Variants in TEKT3 observed in about 807,000 individuals in gnomAD.
The protein encoded by TEKT3 is tektin 3, also known as tektin-3.
TEKT3 carries 49 observed loss-of-function variants against 49.8 expected under a neutral mutation model. The ratio of observed to expected loss-of-function variants is 0.98; its 90% CI spans 0.78 to 1.25. The LOEUF is 1.25. Ranked by LOEUF, TEKT3 falls within the 50% of genes most tolerant of loss-of-function variation. The pLI, the probability that TEKT3 is intolerant of heterozygous loss-of-function variation, is 0.00. For missense variants in TEKT3, 595 were observed against 629.5 expected (o/e 0.95, Z 0.59); for synonymous variants, 225 against 237.2 (o/e 0.95, Z 0.47).
At chr17:15,305,485 T>TA (rs1362679847) in intron 8 of TEKT3, among the ~76,000 whole-genome samples, 6 of 152,148 alleles carry the variant, frequency 3.9e-5, no homozygotes, top group African/African-American at 7.2e-5. Context: ...CAAACTGAAT[T>TA]AAAAAAGAAA....
chr17:15,341,261 C>A (rs1227950779), intron 1 of TEKT3, among the ~76,000 whole-genome samples: 1 of 152,150 alleles, frequency 6.6e-6, no homozygotes, highest in Non-Finnish European at 1.5e-5. Flanking sequence ...GGTTCGGATG[C>A]CCCTTCCCTG....
At chr17:15,335,027 G>A (rs999669444) in intron 2 of TEKT3, among the ~76,000 whole-genome samples, 2 of 113,720 alleles carry the variant, frequency 1.8e-5, no homozygotes, top group Admixed American at 9.5e-5. Context: ...CAGACAACAG[G>A]CATCATAGGC....
intron 4 of TEKT3, among the ~76,000 whole-genome samples, chr17:15,321,255 C>T (rs1301517940): frequency 2.6e-5 from 4 of 151,906 alleles, no homozygotes; most frequent in Admixed American, 6.6e-5. Flanking sequence ...GTGATCCACC[C>T]GCCTCGGCTT....
chr17:15,314,726 TA>T (rs1186683918), intron 5 of TEKT3, among the ~76,000 whole-genome samples: 5 of 152,196 alleles, frequency 3.3e-5, no homozygotes, highest in Non-Finnish European at 7.3e-5. Flanking sequence ...CATCCATTGG[TA>T]ACCTTGGTTT....
At chr17:15,342,891 A>G (rs1276663617), upstream of TEKT3, among the ~76,000 whole-genome samples, 2 of 152,216 alleles carry the variant, frequency 1.3e-5, no homozygotes, top group African/African-American at 4.8e-5. Context: ...CCTTATCAGC[A>G]ACTTTTTCTA....
intron 2 of TEKT3, among the ~76,000 whole-genome samples, chr17:15,335,900 G>A (rs1911958379): frequency 6.7e-6 from 1 of 149,728 alleles, no homozygotes; most frequent in Non-Finnish European, 1.5e-5. Flanking sequence ...AGTGAGCTCA[G>A]ACTTTTTTTT....
intron 8 of TEKT3, among the ~76,000 whole-genome samples, chr17:15,305,271 G>A (rs527728403): frequency 6.6e-6 from 1 of 152,300 alleles, no homozygotes; most frequent in Admixed American, 6.5e-5. Flanking sequence ...AGGCCCCCAC[G>A]CAGGCTGATT....
chr17:15,319,376 A>G (rs962209413), intron 4 of TEKT3, among the ~76,000 whole-genome samples: 21 of 152,190 alleles, frequency 1.4e-4, no homozygotes, highest in African/African-American at 4.1e-4. Flanking sequence ...GGGAAATTAT[A>G]TTATGGAACA....
At chr17:15,305,802 A>AT (rs1910518367) in intron 8 of TEKT3, among the ~76,000 whole-genome samples, 1 of 152,080 alleles carries the variant, frequency 6.6e-6, no homozygotes, top group East Asian at 1.9e-4. Flanking sequence ...AAAAAAAAAA[A>AT]ATCGAGATAT....
chr17:15,314,072 G>A lies in TEKT3; in HGVS notation c.878+15C>T, dbSNP rs230897. Reference sequence around the variant, plus strand: ...ATGACATCGAAATCACAGCCGTGGCGTGTGCCTGACTTACGTTGCATCGAC... The same window carrying A: ...ATGACATCGAAATCACAGCCGTGGCATGTGCCTGACTTACGTTGCATCGAC... On this transcript the variant is annotated intron_variant, in intron 6 of 8. Coordinates refer to ENST00000395930, the MANE Select transcript of TEKT3 (RefSeq NM_031898.3). 0.5 allele frequency: 803,609 copies of A among 1,613,520 alleles called. 201,688 individuals carry two copies. Among genetic ancestry groups the A allele is most frequent in the East Asian group, 0.57 (25,351 of 44,846 alleles).
At chr17:15,317,250 G>C (rs569174831) in intron 5 of TEKT3, among the ~76,000 whole-genome samples, 1 of 152,310 alleles carries the variant, frequency 6.6e-6, no homozygotes, top group East Asian at 1.9e-4. Flanking sequence ...AATACAGCCA[G>C]TATTGAGGCA....
intron 7 of TEKT3, chr17:15,311,001 C>A (rs542822319): frequency 6.6e-6 from 1 of 152,200 alleles, no homozygotes; most frequent in African/African-American, 2.4e-5. Flanking sequence ...CCACCTGGAA[C>A]GGTCACTTCT....
chr17:15,342,658 G>C (rs1399993696), upstream of TEKT3, among the ~76,000 whole-genome samples: 1 of 152,158 alleles, frequency 6.6e-6, no homozygotes, highest in Non-Finnish European at 1.5e-5. Context: ...GAACTCATGG[G>C]AACCTAATCT....
intron 3 of TEKT3, among the ~76,000 whole-genome samples, chr17:15,329,410 GA>G (rs1383527107): frequency 1.3e-5 from 2 of 152,160 alleles, no homozygotes; most frequent in African/African-American, 2.4e-5. Flanking sequence ...AGTCATCACT[GA>G]AAGGGTTACT....
chr17:15,325,346 A>C (rs968091023), intron 4 of TEKT3, among the ~76,000 whole-genome samples: 1 of 152,178 alleles, frequency 6.6e-6, no homozygotes, highest in Admixed American at 6.5e-5. Context: ...AAATATTGCC[A>C]TCTTAACACG....
chr17:15,321,102 C>T (rs945541091), intron 4 of TEKT3, among the ~76,000 whole-genome samples: 23 of 152,040 alleles, frequency 1.5e-4, no homozygotes, highest in South Asian at 6.2e-4. Flanking sequence ...CTCCACCCCC[C>T]GGGTTCACGC....
At chr17:15,343,285 T>C (rs991220432), upstream of TEKT3, among the ~76,000 whole-genome samples, 22 of 152,254 alleles carry the variant, frequency 1.4e-4, no homozygotes, top group African/African-American at 5.3e-4. Flanking sequence ...AACCTCCTGA[T>C]TAAAATTTCA....
At chr17:15,314,325 T>C (rs1194979769) in intron 5 of TEKT3, 95 bp from the exon 6 acceptor site, 1 of 1,509,888 alleles carries the variant, frequency 6.6e-7, no homozygotes, top group East Asian at 2.4e-5. Flanking sequence ...CCTCTCTCAC[T>C]GTTGCTCTCA....
At chr17:15,305,842 C>T (rs1910521773) in intron 8 of TEKT3, among the ~76,000 whole-genome samples, 1 of 151,450 alleles carries the variant, frequency 6.6e-6, no homozygotes, top group Non-Finnish European at 1.5e-5. Context: ...TACTTGTTTT[C>T]ACACTGCTGC....
Sources: allele counts gnomAD v4.1 joint callset (sites outside exome capture counted in the v4.1 genomes callset), GRCh38; gene constraint gnomAD v4.1.1; transcripts MANE v1.5; gene names NCBI Gene and HGNC (gene_info 2026-07-23, HGNC 2026-07-21).